MYPN: variants seen among roughly 807,000 people sequenced by gnomAD.
The protein encoded by MYPN is myopalladin.
Under a neutral mutation model 129.4 loss-of-function variants are expected in MYPN, and 63 were observed. The ratio of observed to expected loss-of-function variants is 0.49; its 90% CI spans 0.40 to 0.60. The LOEUF is 0.60. MYPN is among the 20% of genes least tolerant of loss of function. MYPN has a pLI of 0.00. For synonymous variants in MYPN, 629 were observed against 600.9 expected (o/e 1.05, Z -0.68); for missense variants, 1,596 against 1,635.4 (o/e 0.98, Z 0.42).
chr10:68,140,830 T>C (rs2042564733), intron 2 of MYPN, among the ~76,000 whole-genome samples: 1 of 152,206 alleles, frequency 6.6e-6, no homozygotes, highest in African/African-American at 2.4e-5. Flanking sequence ...CCCAGCACTT[T>C]GGAAGGCCAA....
At chr10:68,191,062 G>A (rs10998003) in intron 13 of MYPN, among the ~76,000 whole-genome samples, 7,928 of 151,956 alleles carry the variant, frequency 0.052, 242 homozygotes, top group Middle Eastern at 0.065. Flanking sequence ...ATTTTTTTGC[G>A]AGTACCATGG....
intron 1 of MYPN, among the ~76,000 whole-genome samples, chr10:68,117,654 C>G (rs1274626701): frequency 6.6e-6 from 1 of 152,150 alleles, no homozygotes; most frequent in African/African-American, 2.4e-5. Flanking sequence ...TACAGATACA[C>G]TGAATTAACT....
At chr10:68,097,250 G>T (rs943791897) in intron 1 of MYPN, among the ~76,000 whole-genome samples, 2 of 152,174 alleles carry the variant, frequency 1.3e-5, no homozygotes, top group African/African-American at 4.8e-5. Flanking sequence ...AGCACCCCAT[G>T]TTACAAAACT....
intron 4 of MYPN, among the ~76,000 whole-genome samples, chr10:68,146,133 T>G (rs1589553997): frequency 1.3e-5 from 2 of 152,188 alleles, no homozygotes; most frequent in East Asian, 3.9e-4. Flanking sequence ...AAAAAAAATC[T>G]TAACATGGCA....
intron 15 of MYPN, among the ~76,000 whole-genome samples, chr10:68,196,482 T>TC (rs1491392758): frequency 9.8e-6 from 1 of 102,506 alleles, no homozygotes; most frequent in Non-Finnish European, 2.4e-5. Flanking sequence ...ACCTTCTTCT[T>TC]CTTTTTTTTT....
rs2043053232 is a variant in MYPN, at chr10:68,166,349, C to G, written c.1656C>G (p.Asn552Lys). The G allele has an allele frequency of 1.2e-6, 2 of 1,613,972 alleles. No homozygotes were observed. Among genetic ancestry groups the G allele is most frequent in the Non-Finnish European group, 1.7e-6 (2 of 1,180,002 alleles). ...TTCACTCAGCCAACTCTACCACCAA[C>G]CTGGCAGCTATTGAGCCACAGCCCT... ...GSLHSANSTT[N>K]LAAIEPQPSP... The change falls in exon 10 of 20, where the codon AAC becomes AAG. Residue 552 changes from asparagine to lysine, a missense_variant. Coordinates refer to ENST00000358913, the MANE Select transcript of MYPN (RefSeq NM_032578.4).
rs1265232754 is a variant in MYPN at position 68,122,282 on chromosome 10, G to A, written c.844G>A (p.Glu282Lys). 22 of 1,613,836 alleles carry A rather than the reference G, an allele frequency of 1.4e-5. No individual in the cohort carries two copies. Among genetic ancestry groups the A allele is most frequent in the Non-Finnish European group, 1.6e-5 (19 of 1,179,982 alleles). The change falls in exon 2 of 20, where the codon GAA becomes AAA. Residue 282 changes from glutamate to lysine, a missense_variant. Coordinates refer to ENST00000358913, the MANE Select transcript of MYPN (RefSeq NM_032578.4). ...TQKLRSREVP[E>K]GTRVQLDCIV... The stretch of plus-strand genomic sequence containing the variant: ...AAAGTTACGGAGCAGAGAAGTTCCA[G>A]AAGGAACTCGAGTACAGTTGGATTG...
intron 16 of MYPN, among the ~76,000 whole-genome samples, chr10:68,198,812 A>G (rs1180311274): frequency 6.6e-6 from 1 of 151,508 alleles, no homozygotes; most frequent in African/African-American, 2.4e-5. Context: ...TGGGAGTTGA[A>G]CACTGAGAAC....
At chr10:68,177,480 T>C (rs1233335267) in intron 12 of MYPN, among the ~76,000 whole-genome samples, 9 of 152,222 alleles carry the variant, frequency 5.9e-5, no homozygotes, top group African/African-American at 2.2e-4. Flanking sequence ...ATGGAATGCT[T>C]GCATTTGGAT....
chr10:68,166,349 C>T lies in MYPN; in HGVS notation c.1656C>T (p.Asn552=). Residue 552 remains asparagine (N), a synonymous_variant, in exon 10 of 20, where the codon AAC becomes AAT. Coordinates refer to ENST00000358913, the MANE Select transcript of MYPN (RefSeq NM_032578.4). ...GSLHSANSTT[N]LAAIEPQPSP... ...TTCACTCAGCCAACTCTACCACCAA[C>T]CTGGCAGCTATTGAGCCACAGCCCT... 1 of 1,614,090 alleles carries T rather than the reference C, an allele frequency of 6.2e-7. No individual in the cohort carries two copies.
chr10:68,140,927 C>T (rs1278617358), intron 2 of MYPN, among the ~76,000 whole-genome samples: 1 of 152,124 alleles, frequency 6.6e-6, no homozygotes, highest in Non-Finnish European at 1.5e-5. Context: ...CAAAAATTAG[C>T]CAGGTGTGGC....
intron 16 of MYPN, 135 bp downstream of exon 16, chr10:68,197,613 T>A (rs908655170): frequency 4.6e-6 from 5 of 1,090,850 alleles, no homozygotes; most frequent in Non-Finnish European, 6.6e-6. Context: ...CAGATCACTT[T>A]TTTTCATCAT....
intron 1 of MYPN, among the ~76,000 whole-genome samples, chr10:68,094,514 G>A (rs191069969): frequency 2.5e-4 from 38 of 152,054 alleles, no homozygotes; most frequent in African/African-American, 8.4e-4. Flanking sequence ...CATCCACCTC[G>A]GCTTCCCAAA....
intron 2 of MYPN, among the ~76,000 whole-genome samples, chr10:68,130,235 G>T (rs58412165): frequency 1.5e-4 from 23 of 152,028 alleles, no homozygotes; most frequent in African/African-American, 5.6e-4. Flanking sequence ...CGAGGCAGGC[G>T]GATCACCTGA....
upstream of MYPN, among the ~76,000 whole-genome samples, chr10:68,104,423 G>T (rs1438523815): frequency 1.3e-5 from 2 of 152,130 alleles, no homozygotes; most frequent in South Asian, 4.1e-4. Context: ...TAACACCAAA[G>T]CATTTAAATT....
chr10:68,194,337 T>C lies in MYPN; in HGVS notation c.2926-26T>C, dbSNP rs376038645. 1.1e-5 allele frequency: 17 copies of C among 1,611,392 alleles called. No individual in the cohort carries two copies. The South Asian group carries it at 1.2e-4, about 11-fold the overall frequency. On this transcript the variant is annotated intron_variant, in intron 13 of 19. Coordinates refer to ENST00000358913, the MANE Select transcript of MYPN (RefSeq NM_032578.4). ...ACCTCTAAAGATAAACAAAACAGTG[T>C]ACATCTTGATAATTTTTCATTTCAG...
chr10:68,167,559 T>C (rs1268251915), intron 10 of MYPN, among the ~76,000 whole-genome samples: 2 of 149,450 alleles, frequency 1.3e-5, no homozygotes, highest in East Asian at 3.9e-4. Flanking sequence ...TATTATTTCC[T>C]GTTTCATCCA....
intron 5 of MYPN, among the ~76,000 whole-genome samples, chr10:68,149,715 T>C (rs1210759782): frequency 6.6e-6 from 1 of 152,206 alleles, no homozygotes; most frequent in Non-Finnish European, 1.5e-5. Context: ...TTCTAATCCA[T>C]TGGTTTTCAA....
chr10:68,150,157 C>A, intron 6 of MYPN, 46 bp downstream of exon 6: 1 of 1,462,534 alleles, frequency 6.8e-7, no homozygotes, highest in Non-Finnish European at 9.6e-7. Context: ...AAAGATACCA[C>A]AGCACCCAAA....
Sources: allele counts gnomAD v4.1 joint callset (sites outside exome capture counted in the v4.1 genomes callset), GRCh38; gene constraint gnomAD v4.1.1; transcripts MANE v1.5; gene names NCBI Gene and HGNC (gene_info 2026-07-23, HGNC 2026-07-21).